NCAM2: variants seen among roughly 807,000 people sequenced by gnomAD.
NCAM2 encodes neural cell adhesion molecule 2, also known as N-CAM-2.
Under a neutral mutation model 98.1 loss-of-function variants are expected in NCAM2, and 30 were observed. That is an observed-to-expected ratio of 0.31 (90% confidence interval 0.23 to 0.41). The LOEUF is 0.41. Among genes scored for constraint, NCAM2 ranks in the 10% least tolerant of loss-of-function variants. The pLI is 1.00. For synonymous variants in NCAM2, 368 were observed against 342.4 expected (o/e 1.07, Z -0.83); for missense variants, 867 against 1,005.8 (o/e 0.86, Z 1.87).
intron 1 of NCAM2, among the ~76,000 whole-genome samples, chr21:21,266,270 T>C (rs930654073): frequency 1.3e-5 from 2 of 152,100 alleles, no homozygotes; most frequent in Non-Finnish European, 2.9e-5. Flanking sequence ...ATTCAACTAA[T>C]TCAACTACTG....
At chr21:21,429,338 A>G (rs1426806249) in intron 11 of NCAM2, among the ~76,000 whole-genome samples, 1 of 152,212 alleles carries the variant, frequency 6.6e-6, no homozygotes, top group Non-Finnish European at 1.5e-5. Flanking sequence ...GTAAAAACAA[A>G]CAATCATGTT....
intron 13 of NCAM2, 59 bp from the exon 14 acceptor site, chr21:21,468,603 T>TA (rs1984027568): frequency 6.7e-7 from 1 of 1,488,578 alleles, no homozygotes; most frequent in Non-Finnish European, 9.1e-7. Flanking sequence ...TATTAAAATA[T>TA]AGTTTATCTA....
At chr21:21,355,490 A>G (rs1220488123) in intron 8 of NCAM2, among the ~76,000 whole-genome samples, 8 of 124,752 alleles carry the variant, frequency 6.4e-5, no homozygotes, top group Non-Finnish European at 1.1e-4. Context: ...AAAAGGAGAG[A>G]AAGAAAGAAA....
At chr21:21,126,872 TAAAA>T (rs1235850692) in intron 1 of NCAM2, among the ~76,000 whole-genome samples, 1 of 151,984 alleles carries the variant, frequency 6.6e-6, no homozygotes, top group African/African-American at 2.4e-5. Context: ...TTTTGTAAGT[TAAAA>T]AACGTTGATG....
At chr21:21,009,475 G>A (rs769770737) in intron 1 of NCAM2, among the ~76,000 whole-genome samples, 10 of 151,958 alleles carry the variant, frequency 6.6e-5, no homozygotes, top group Non-Finnish European at 1.5e-4. Flanking sequence ...AAATCGTTCT[G>A]TAAGATTTGT....
intron 1 of NCAM2, among the ~76,000 whole-genome samples, chr21:21,249,455 C>G (rs544987316): frequency 6.6e-6 from 1 of 152,072 alleles, no homozygotes; most frequent in African/African-American, 2.4e-5. Context: ...GCAGTTAGTT[C>G]GAGCTCATCA....
chr21:21,517,087 G>A (rs1040476778), intron 16 of NCAM2, among the ~76,000 whole-genome samples: 1 of 152,080 alleles, frequency 6.6e-6, no homozygotes, highest in Admixed American at 6.6e-5. Flanking sequence ...AACTTAGAGT[G>A]ATTACTCCCA....
intron 15 of NCAM2, among the ~76,000 whole-genome samples, chr21:21,504,349 A>C (rs1429377504): frequency 2.6e-5 from 4 of 151,950 alleles, no homozygotes; most frequent in African/African-American, 9.7e-5. Context: ...TTACACCATA[A>C]GTCGTAAGTG....
chr21:21,239,293 A>G (rs1239818307), intron 1 of NCAM2: 7 of 152,162 alleles, frequency 4.6e-5, no homozygotes. Flanking sequence ...CACCACAGCC[A>G]TCTTCAGGCA....
In NCAM2 at chr21:21,444,780, C is replaced by T. The variant is rs139123045; in HGVS notation, c.1654+12499C>T. 7.7e-3 allele frequency among the ~76,000 whole-genome samples: 1,175 copies of T among 152,190 alleles called. 24 individuals carry two copies. Among genetic ancestry groups the T allele is most frequent in the African/African-American group, 0.027 (1,114 of 41,514 alleles). Reference sequence around the variant, plus strand: ...TCTATTTTGTTAATTTTTCAAAAAACCAGCTCCTGGATTCATTGATTTTTT... The same window carrying T: ...TCTATTTTGTTAATTTTTCAAAAAATCAGCTCCTGGATTCATTGATTTTTT... On this transcript the variant is annotated intron_variant, in intron 12 of 17. Transcript: ENST00000400546.
At chr21:21,264,394 A>G (rs544063576) in intron 1 of NCAM2, among the ~76,000 whole-genome samples, 2 of 152,004 alleles carry the variant, frequency 1.3e-5, no homozygotes, top group Non-Finnish European at 2.9e-5. Flanking sequence ...TACATCATCA[A>G]TGGGAATGTA....
At chr21:21,265,296 T>TACGTGTATACATAC (rs2072191844) in intron 1 of NCAM2, among the ~76,000 whole-genome samples, 1 of 131,840 alleles carries the variant, frequency 7.6e-6, no homozygotes, top group Non-Finnish European at 1.6e-5. Context: ...TGTGTATATA[T>TACGTGTATACATAC]ACGTGTATAC....
At chr21:21,103,444 A>G (rs1443565077) in intron 1 of NCAM2, among the ~76,000 whole-genome samples, 2 of 149,170 alleles carry the variant, frequency 1.3e-5, no homozygotes, top group African/African-American at 4.9e-5. Flanking sequence ...AGGCAGTATA[A>G]TAGCAATTAA....
intron 8 of NCAM2, among the ~76,000 whole-genome samples, chr21:21,352,450 T>C (rs1026670658): frequency 6.6e-6 from 1 of 152,054 alleles, no homozygotes; most frequent in African/African-American, 2.4e-5. Context: ...TCTCTTATTA[T>C]CATTCTTCTT....
chr21:21,124,118 C>T (rs9983365), intron 1 of NCAM2, among the ~76,000 whole-genome samples: 1 of 151,964 alleles, frequency 6.6e-6, no homozygotes. Context: ...TAATGCTGAG[C>T]TTACAGGCGT....
At chr21:21,077,492 G>C (rs981773188) in intron 1 of NCAM2, among the ~76,000 whole-genome samples, 5 of 152,052 alleles carry the variant, frequency 3.3e-5, no homozygotes, top group Non-Finnish European at 7.4e-5. Flanking sequence ...AGATTAATGA[G>C]GCCCACAGTG....
At chr21:21,089,260 T>TG (rs2065965893) in intron 1 of NCAM2, among the ~76,000 whole-genome samples, 1 of 152,198 alleles carries the variant, frequency 6.6e-6, no homozygotes, top group Admixed American at 6.5e-5. Flanking sequence ...TAAATAAAAC[T>TG]GCCTTTAAAA....
intron 1 of NCAM2, among the ~76,000 whole-genome samples, chr21:21,183,983 A>T (rs73894498): frequency 9.8e-4 from 149 of 152,238 alleles, no homozygotes; most frequent in African/African-American, 3.3e-3. Context: ...TCAGTTTATG[A>T]TCCTAATAAG....
chr21:21,087,230 T>A (rs1429880820), intron 1 of NCAM2, among the ~76,000 whole-genome samples: 1 of 152,168 alleles, frequency 6.6e-6, no homozygotes, highest in African/African-American at 2.4e-5. Flanking sequence ...GTCTATTTTC[T>A]GTTTGCCCCT....
Sources: allele counts gnomAD v4.1 joint callset (sites outside exome capture counted in the v4.1 genomes callset), GRCh38; gene constraint gnomAD v4.1.1; transcripts MANE v1.5; gene names NCBI Gene and HGNC (gene_info 2026-07-23, HGNC 2026-07-21).